P2RY12: variants seen among roughly 807,000 people sequenced by gnomAD.
P2RY12 encodes purinergic receptor P2Y12, also known as P2Y purinoceptor 12.
P2RY12 carries 3 observed loss-of-function variants against 4.5 expected under a neutral mutation model. The ratio of observed to expected loss-of-function variants is 0.67; its 90% confidence interval spans 0.31 to 1.74. The LOEUF is 1.74. Ranked by LOEUF, P2RY12 falls within the 40% of genes most tolerant of loss-of-function variation. The pLI is 0.09. For synonymous variants in P2RY12, 148 were observed against 154.1 expected, an observed-to-expected ratio of 0.96 and a Z score of 0.29; for missense variants, 356 against 407.8, an observed-to-expected ratio of 0.87 and a Z score of 1.09.
At chr3:151,352,029 A>G (rs1458255033) in intron 1 of P2RY12, among the ~76,000 whole-genome samples, 4 of 152,230 alleles carry the variant, frequency 2.6e-5, no homozygotes, top group East Asian at 1.9e-4. Context: ...GATTTTGGAT[A>G]GTTTCACATT....
At chr3:151,359,829 T>C (rs1754388509) in intron 1 of P2RY12, among the ~76,000 whole-genome samples, 2 of 152,108 alleles carry the variant, frequency 1.3e-5, no homozygotes. Flanking sequence ...TGTTTACAGC[T>C]GTGGTGTATG....
chr3:151,377,871 A>T, intron 1 of P2RY12: 1 of 742,292 alleles, frequency 1.3e-6, no homozygotes, highest in Non-Finnish European at 2.0e-6. Context: ...GAAAAAGGAA[A>T]GATAATACAG....
chr3:151,380,857 A>T (rs374527522), intron 1 of P2RY12, among the ~76,000 whole-genome samples: 82 of 152,332 alleles, frequency 5.4e-4, no homozygotes, highest in African/African-American at 1.9e-3. Context: ...TGCAGTAGGC[A>T]TGGCAGTGAG....
intron 1 of P2RY12, among the ~76,000 whole-genome samples, chr3:151,347,008 C>T (rs1577392731): frequency 6.6e-6 from 1 of 152,106 alleles, no homozygotes; most frequent in East Asian, 1.9e-4. Flanking sequence ...ATAATTTTAA[C>T]TAGTGGATAC....
At chr3:151,374,504 C>T (rs138719200) in intron 1 of P2RY12, among the ~76,000 whole-genome samples, 220 of 152,188 alleles carry the variant, frequency 1.4e-3, no homozygotes, top group African/African-American at 4.8e-3. Context: ...GCCGAGATTG[C>T]GCCACTGCAC....
rs141210385 is a variant in P2RY12 at position 151,361,843 on chromosome 3, T to C, written c.-179-21083A>G. On this transcript the variant is annotated intron_variant, in intron 1 of 2. Coordinates refer to ENST00000302632, the MANE Select transcript of P2RY12 (RefSeq NM_022788.5). Reference sequence around the variant, plus strand: ...TCCTACTTCAAATAGCATCCCCAACTTCCTGTCATTCGTTGTATCTTAGCA... The same window carrying C: ...TCCTACTTCAAATAGCATCCCCAACCTCCTGTCATTCGTTGTATCTTAGCA... Among the ~76,000 whole-genome samples the C allele has an allele frequency of 3.3e-5, 5 of 152,210 alleles. No homozygotes were observed. In the East Asian group the frequency reaches 9.7e-4, roughly 29 times the overall value.
At chr3:151,342,861 T>G (rs778618559) in intron 1 of P2RY12, among the ~76,000 whole-genome samples, 2 of 152,198 alleles carry the variant, frequency 1.3e-5, no homozygotes, top group African/African-American at 2.4e-5. Flanking sequence ...ATATTTAATT[T>G]CTTACACTGT....
intron 1 of P2RY12, chr3:151,368,238 A>G: frequency 6.2e-7 from 1 of 1,613,804 alleles, no homozygotes; most frequent in South Asian, 1.1e-5. Context: ...CCTGCTTCTT[A>G]CCTCAAGCAA....
chr3:151,362,226 A>C (rs756032856), intron 1 of P2RY12, among the ~76,000 whole-genome samples: 16 of 151,950 alleles, frequency 1.1e-4, no homozygotes, highest in Non-Finnish European at 2.4e-4. Context: ...CATTTTCAAC[A>C]TCCACTAAAG....
intron 1 of P2RY12, chr3:151,378,258 T>TG: frequency 4.7e-6 from 6 of 1,282,556 alleles, no homozygotes; most frequent in Non-Finnish European, 6.2e-6. Context: ...GTGGTCACTG[T>TG]ACCCACAGTC....
chr3:151,344,175 T>C (rs1752251991), intron 1 of P2RY12, among the ~76,000 whole-genome samples: 2 of 152,030 alleles, frequency 1.3e-5, no homozygotes, highest in Non-Finnish European at 2.9e-5. Flanking sequence ...GACTAGTAGA[T>C]ATATAAATAT....
chr3:151,374,791 T>C (rs1756623743), intron 1 of P2RY12, among the ~76,000 whole-genome samples: 1 of 152,054 alleles, frequency 6.6e-6, no homozygotes, highest in African/African-American at 2.4e-5. Context: ...GGCTATAGAA[T>C]AGCTTACTTT....
Position 151,337,497 on chromosome 3 carries a change from A to G in P2RY12, c.*320T>C. 4.0e-6 allele frequency: 1 copy of G among 253,114 alleles called. No homozygotes were observed. Among genetic ancestry groups the G allele is most frequent in the South Asian group, 5.9e-5 (1 of 16,964 alleles). 15.7% of individuals were successfully genotyped at this position (253,114 alleles called of 1,614,324 possible). ...TTGTGAACGATAATGTATTTTAAAA[A>G]TTACAGTAAATATTATATGATTACT... On this transcript the variant is annotated 3_prime_UTR_variant, in exon 3 of 3. Coordinates refer to ENST00000302632, the MANE Select transcript of P2RY12 (RefSeq NM_022788.5).
chr3:151,360,646 C>T (rs778294860), intron 1 of P2RY12: 3 of 1,564,072 alleles, frequency 1.9e-6, no homozygotes, highest in African/African-American at 1.4e-5. Flanking sequence ...TAGGATCATG[C>T]CTATGTTTGT....
At chr3:151,368,067 A>G in intron 1 of P2RY12, 2 of 1,120,920 alleles carry the variant, frequency 1.8e-6, no homozygotes, top group East Asian at 2.4e-5. Context: ...TAATTATTCC[A>G]GGAAATTTAG....
At chr3:151,380,647 G>A (rs1293709600) in intron 1 of P2RY12, among the ~76,000 whole-genome samples, 17 of 149,964 alleles carry the variant, frequency 1.1e-4, no homozygotes, top group Non-Finnish European at 2.5e-4. Context: ...GTTTTGAGTA[G>A]ACGCTGAGAA....
intron 1 of P2RY12, among the ~76,000 whole-genome samples, chr3:151,356,455 C>T (rs1753934675): frequency 6.6e-6 from 1 of 152,170 alleles, no homozygotes; most frequent in Non-Finnish European, 1.5e-5. Flanking sequence ...TGTACATTAA[C>T]ATCATTTTAG....
intron 1 of P2RY12, among the ~76,000 whole-genome samples, chr3:151,370,879 A>G (rs193145668): frequency 6.6e-5 from 10 of 152,306 alleles, no homozygotes; most frequent in Admixed American, 4.6e-4. Context: ...GATTTGTAGG[A>G]TTAGTCTAAT....
intron 2 of P2RY12, among the ~76,000 whole-genome samples, chr3:151,339,732 G>A (rs191317701): frequency 6.6e-6 from 1 of 152,066 alleles, no homozygotes; most frequent in Non-Finnish European, 1.5e-5. Context: ...CAGATTTATG[G>A]AGTGTGTAAT....
Sources: allele counts gnomAD v4.1 joint callset (sites outside exome capture counted in the v4.1 genomes callset), GRCh38; gene constraint gnomAD v4.1.1; transcripts MANE v1.5; gene names NCBI Gene and HGNC (gene_info 2026-07-23, HGNC 2026-07-21).